The following NMT2 variants were observed in gnomAD, a reference collection of about 807,000 sequenced individuals.
NMT2 encodes N-myristoyltransferase 2, also known as glycylpeptide N-tetradecanoyltransferase 2.
In NMT2, 35 loss-of-function variants were observed where a neutral mutation model predicts 65.4. That is an observed-to-expected ratio of 0.54 (90% CI 0.41 to 0.71). The LOEUF (loss-of-function observed/expected upper bound fraction) is 0.71, where lower values mean the gene tolerates loss of function less well. NMT2 is among the 30% of genes least tolerant of loss of function. The pLI is 0.00. For synonymous variants in NMT2, 226 were observed against 231.8 expected, an observed-to-expected ratio of 0.98 and a Z score of 0.23; for missense variants, 489 against 611.3, an observed-to-expected ratio of 0.80 and a Z score of 2.11.
chr10:15,167,499 C>A (rs1833415191), intron 1 of NMT2, among the ~76,000 whole-genome samples: 1 of 152,198 alleles, frequency 6.6e-6, no homozygotes. Flanking sequence ...ACTTCTCCAT[C>A]ACTCACCATG....
intron 1 of NMT2, among the ~76,000 whole-genome samples, chr10:15,162,767 T>A (rs977513195): frequency 2.0e-5 from 3 of 148,388 alleles, no homozygotes; most frequent in Non-Finnish European, 4.5e-5. Flanking sequence ...TATATTTTAT[T>A]TATATATATA....
intron 9 of NMT2, among the ~76,000 whole-genome samples, chr10:15,114,105 G>A (rs1845664836): frequency 6.6e-6 from 1 of 152,082 alleles, no homozygotes. Flanking sequence ...AAACTAAAGG[G>A]GTTAATCTAC....
intron 8 of NMT2, among the ~76,000 whole-genome samples, chr10:15,122,588 T>A (rs1464540294): frequency 6.6e-6 from 1 of 152,048 alleles, no homozygotes; most frequent in East Asian, 1.9e-4. Context: ...CCCAGCTAAT[T>A]TTTTGTATTT....
intron 1 of NMT2, 143 bp downstream of exon 1, chr10:15,168,360 C>T: frequency 1.5e-6 from 1 of 661,540 alleles, no homozygotes; most frequent in Non-Finnish European, 2.5e-6. Flanking sequence ...CGGACCTCAC[C>T]ATGGGCTCCG....
At chr10:15,158,644 A>G (rs1399181305) in intron 1 of NMT2, among the ~76,000 whole-genome samples, 1 of 152,208 alleles carries the variant, frequency 6.6e-6, no homozygotes, top group African/African-American at 2.4e-5. Context: ...TCTACCTGTG[A>G]GTAGACAGGC....
chr10:15,157,122 G>T (rs1833029599), intron 1 of NMT2, among the ~76,000 whole-genome samples: 1 of 152,066 alleles, frequency 6.6e-6, no homozygotes, highest in African/African-American at 2.4e-5. Context: ...ACCTTCTCTG[G>T]GAAGGTACTA....
At chr10:15,165,375 A>C (rs1833343994) in intron 1 of NMT2, among the ~76,000 whole-genome samples, 1 of 152,168 alleles carries the variant, frequency 6.6e-6, no homozygotes, top group South Asian at 2.1e-4. Context: ...ATCGTGTGTT[A>C]AAGTAAGTTA....
chr10:15,141,314 C>T (rs915641140), intron 2 of NMT2, 108 bp downstream of exon 2: 51 of 1,377,378 alleles, frequency 3.7e-5, no homozygotes, highest in Non-Finnish European at 4.8e-5. Context: ...ATTCAACACA[C>T]AGTCACAACA....
chr10:15,111,143 T>C (rs1845498671), intron 10 of NMT2, among the ~76,000 whole-genome samples: 1 of 152,102 alleles, frequency 6.6e-6, no homozygotes, highest in African/African-American at 2.4e-5. Flanking sequence ...ATCTCCAGGA[T>C]TATTAATTAT....
intron 1 of NMT2, among the ~76,000 whole-genome samples, chr10:15,148,356 A>G (rs1047763392): frequency 1.3e-5 from 2 of 152,158 alleles, no homozygotes; most frequent in Non-Finnish European, 2.9e-5. Flanking sequence ...CAAAAAATAA[A>G]AAATTAGCTG....
chr10:15,158,516 A>G (rs1833079539), intron 1 of NMT2, among the ~76,000 whole-genome samples: 1 of 152,212 alleles, frequency 6.6e-6, no homozygotes, highest in Non-Finnish European at 1.5e-5. Flanking sequence ...TAAATTTGTC[A>G]ATGGGAATTA....
At chr10:15,134,480 A>G (rs1367351733) in intron 3 of NMT2, among the ~76,000 whole-genome samples, 1 of 152,132 alleles carries the variant, frequency 6.6e-6, no homozygotes, top group African/African-American at 2.4e-5. Flanking sequence ...TTCTCCCAGC[A>G]TCTGTTGCTT....
intron 7 of NMT2, among the ~76,000 whole-genome samples, chr10:15,129,592 G>A (rs1325382223): frequency 6.6e-6 from 1 of 152,216 alleles, no homozygotes; most frequent in East Asian, 1.9e-4. Flanking sequence ...AAAGAAAATG[G>A]TATGACATTG....
chr10:15,133,754 T>C (rs1002642575), intron 3 of NMT2, among the ~76,000 whole-genome samples: 1 of 152,062 alleles, frequency 6.6e-6, no homozygotes, highest in African/African-American at 2.4e-5. Flanking sequence ...GCCCGGCTAA[T>C]TGTAAATTTT....
chr10:15,131,312 C>CTTTTTTTTTTTTTTTT (rs764637363), intron 6 of NMT2, among the ~76,000 whole-genome samples: 1 of 139,980 alleles, frequency 7.1e-6, no homozygotes. Flanking sequence ...CGTTTCTTTC[C>CTTTTTTTTTTTTTTTT]TTTTTTTTTT....
chr10:15,156,813 G>C (rs901023222), intron 1 of NMT2, among the ~76,000 whole-genome samples: 1 of 151,796 alleles, frequency 6.6e-6, no homozygotes, highest in African/African-American at 2.4e-5. Context: ...GGAGAATTGC[G>C]TGAACCCGGG....
intron 2 of NMT2, chr10:15,140,858 G>A: frequency 1.2e-6 from 1 of 831,574 alleles, no homozygotes; most frequent in East Asian, 2.7e-5. Context: ...TGCCAACACG[G>A]GGCCCAGCTG....
chr10:15,109,277 C>T (rs1035824463), intron 11 of NMT2, 62 bp from the exon 12 acceptor site: 3 of 1,576,908 alleles, frequency 1.9e-6, no homozygotes, highest in Non-Finnish European at 2.6e-6. Flanking sequence ...TACAATAGAT[C>T]TGTCTTTCTA....
chr10:15,168,203 T>A (rs1371626035), intron 1 of NMT2, among the ~76,000 whole-genome samples: 1 of 151,922 alleles, frequency 6.6e-6, no homozygotes, highest in Non-Finnish European at 1.5e-5. Context: ...AGGCGCCTCC[T>A]GGGCCAGGCC....
Sources: gnomAD v4.1 joint callset for allele counts (sites outside exome capture counted in the v4.1 genomes callset) on GRCh38, gnomAD v4.1.1 for gene constraint, MANE v1.5 for transcripts, NCBI Gene and HGNC (gene_info 2026-07-23, HGNC 2026-07-21) for gene names.